The following SOBP variants were observed in gnomAD, a reference collection of about 807,000 sequenced individuals.
The protein encoded by SOBP is sine oculis-binding protein homolog.
A neutral mutation model predicts 53.6 loss-of-function variants in SOBP; 4 were observed. That is an observed-to-expected ratio of 0.07 (90% CI 0.04 to 0.17). The LOEUF (loss-of-function observed/expected upper bound fraction) is 0.17, where lower values mean the gene tolerates loss of function less well. Among genes scored for constraint, SOBP ranks in the 10% least tolerant of loss-of-function variants. The probability of loss-of-function intolerance (pLI) is 1.00; values close to 1 mark genes in which losing one functional copy is unlikely to be tolerated. For missense variants in SOBP, 1,088 were observed against 1,204.7 expected (o/e 0.90, Z 1.43); for synonymous variants, 584 against 522.6 (o/e 1.12, Z -1.60).
chr6:107,587,309 T>C (rs1159132381), intron 5 of SOBP, 134 bp downstream of exon 5: 2 of 725,770 alleles, frequency 2.8e-6, no homozygotes, highest in Non-Finnish European at 4.8e-6. Flanking sequence ...AAATGCTAAT[T>C]CTGATATCAC....
At chr6:107,500,961 C>G (rs186479398) in intron 1 of SOBP, among the ~76,000 whole-genome samples, 41 of 152,172 alleles carry the variant, frequency 2.7e-4, no homozygotes, top group Admixed American at 2.5e-3. Context: ...TCATCTTGCC[C>G]CTTTCATGAA....
chr6:107,622,432 T>A (rs1344942899), intron 5 of SOBP, among the ~76,000 whole-genome samples: 1 of 152,228 alleles, frequency 6.6e-6, no homozygotes, highest in Non-Finnish European at 1.5e-5. Flanking sequence ...GCTGGGATGA[T>A]ACAAGAAGAG....
intron 5 of SOBP, among the ~76,000 whole-genome samples, chr6:107,606,070 CTTTTTTTTT>C (rs11298151): frequency 6.4e-5 from 4 of 62,860 alleles, no homozygotes; most frequent in African/African-American, 1.1e-4. Context: ...AGATAGGCTC[CTTTTTTTTT>C]TTTTTTTTTT....
At chr6:107,606,297 G>A (rs367870236) in intron 5 of SOBP, among the ~76,000 whole-genome samples, 1 of 151,818 alleles carries the variant, frequency 6.6e-6, no homozygotes, top group African/African-American at 2.4e-5. Context: ...GGCTGGTCTC[G>A]AACTCTTGAC....
chr6:107,526,606 T>C lies in SOBP; in HGVS notation c.422-6853T>C, dbSNP rs983720707. Among the ~76,000 whole-genome samples the C allele has an allele frequency of 3.9e-5, 6 of 152,330 alleles. No individual in the cohort carries two copies. The East Asian group carries it at 1.2e-3, about 29-fold the overall frequency. On this transcript the variant is annotated intron_variant, in intron 3 of 6. Transcript: ENST00000317357. ...CTCTCTTACTGCATTCTGCCTGTCA[T>C]AAAATGAGCCACACACCTCAGGTCC...
At chr6:107,640,624 C>T (rs1472798668) in intron 6 of SOBP, among the ~76,000 whole-genome samples, 1 of 152,138 alleles carries the variant, frequency 6.6e-6, no homozygotes, top group African/African-American at 2.4e-5. Flanking sequence ...AGATATGTCC[C>T]AATTCAATGC....
intron 4 of SOBP, among the ~76,000 whole-genome samples, chr6:107,573,199 A>G (rs1166040424): frequency 2.0e-5 from 3 of 152,128 alleles, no homozygotes; most frequent in Non-Finnish European, 4.4e-5. Context: ...GTGTTTGTGC[A>G]TTTCTAAAAT....
intron 4 of SOBP, among the ~76,000 whole-genome samples, chr6:107,581,475 A>G (rs934096588): frequency 2.0e-5 from 3 of 152,146 alleles, no homozygotes; most frequent in Admixed American, 1.3e-4. Flanking sequence ...AGACCTCCCT[A>G]TGTTGTTCCC....
chr6:107,576,047 T>C lies in SOBP; in HGVS notation c.574-11033T>C, dbSNP rs534968090. 5.9e-5 allele frequency among the ~76,000 whole-genome samples: 9 copies of C among 152,330 alleles called. No homozygotes were observed. The South Asian group carries it at 1.9e-3, about 32-fold the overall frequency. On this transcript the variant is annotated intron_variant, in intron 4 of 6. Coordinates refer to ENST00000317357, the MANE Select transcript of SOBP (RefSeq NM_018013.4). ...TTGGCTCCTCAGAGAGGCTCATTGGTCCTGGCTTTGGAGGCAGTGTAATTC... is the reference window on the plus strand; with the variant it reads ...TTGGCTCCTCAGAGAGGCTCATTGGCCCTGGCTTTGGAGGCAGTGTAATTC...
intron 5 of SOBP, among the ~76,000 whole-genome samples, chr6:107,597,313 T>A (rs1287201683): frequency 3.9e-5 from 6 of 152,240 alleles, no homozygotes; most frequent in Admixed American, 1.3e-4. Context: ...TATGTAAAGA[T>A]GCTCCAGTGA....
intron 4 of SOBP, among the ~76,000 whole-genome samples, chr6:107,575,049 G>A (rs1785186494): frequency 6.6e-6 from 1 of 152,156 alleles, no homozygotes. Flanking sequence ...TGCTCCTGGG[G>A]CGCACGAGCA....
chr6:107,519,949 C>G (rs1442628553), intron 3 of SOBP, among the ~76,000 whole-genome samples: 1 of 152,090 alleles, frequency 6.6e-6, no homozygotes, highest in Non-Finnish European at 1.5e-5. Context: ...CAGAAGTCCA[C>G]AGTGAAAAAC....
intron 4 of SOBP, among the ~76,000 whole-genome samples, chr6:107,551,188 G>A (rs1784449749): frequency 6.6e-6 from 1 of 152,126 alleles, no homozygotes; most frequent in Non-Finnish European, 1.5e-5. Context: ...GCGGGGGGTG[G>A]TTACCACAAC....
intron 5 of SOBP, among the ~76,000 whole-genome samples, chr6:107,618,320 C>T (rs1190088798): frequency 6.6e-6 from 1 of 152,094 alleles, no homozygotes; most frequent in Non-Finnish European, 1.5e-5. Context: ...TTTATTAGGC[C>T]ATGAAGTATT....
At position 107,658,924 on chromosome 6, in the gene SOBP, A is replaced by G. The variant is rs1682300399; in HGVS notation, c.*721A>G. ...GACAGATGTAAGAAGCAGCATGAAT[A>G]GTTTATACTGTGGTTTTTCAGAGAC... On this transcript the variant is annotated 3_prime_UTR_variant, in exon 7 of 7. Transcript: ENST00000317357. The G allele has an allele frequency of 2.0e-5, 3 of 152,662 alleles. No homozygotes were observed. The highest frequency in any genetic ancestry group is 4.1e-4 in the South Asian group (2 of 4,836). The allele number at this position is 152,662 out of a possible 1,614,324, so 9.5% of individuals were successfully genotyped here.
intron 5 of SOBP, among the ~76,000 whole-genome samples, chr6:107,627,343 T>C (rs138655916): frequency 2.0e-4 from 30 of 152,276 alleles, no homozygotes; most frequent in Admixed American, 7.2e-4. Context: ...TTAAAGCTCA[T>C]TGAGATCCTG....
intron 5 of SOBP, among the ~76,000 whole-genome samples, chr6:107,615,784 T>G (rs1786761854): frequency 6.6e-6 from 1 of 151,888 alleles, no homozygotes; most frequent in Admixed American, 6.6e-5. Flanking sequence ...GGGAAAGGAT[T>G]TTGAAACTCT....
At chr6:107,573,990 C>T (rs1013012836) in intron 4 of SOBP, among the ~76,000 whole-genome samples, 3 of 152,150 alleles carry the variant, frequency 2.0e-5, no homozygotes, top group African/African-American at 7.2e-5. Context: ...TACTGCCTGG[C>T]ACACAGTAGA....
chr6:107,550,088 A>G (rs1784420638), intron 4 of SOBP, among the ~76,000 whole-genome samples: 1 of 151,966 alleles, frequency 6.6e-6, no homozygotes, highest in African/African-American at 2.4e-5. Flanking sequence ...CTAAAGCTGA[A>G]ATAATCCTTT....
Sources: allele counts gnomAD v4.1 joint callset (sites outside exome capture counted in the v4.1 genomes callset), GRCh38; gene constraint gnomAD v4.1.1; transcripts MANE v1.5; gene names NCBI Gene and HGNC (gene_info 2026-07-23, HGNC 2026-07-21).